The following LETMD1 variants were observed in gnomAD, a reference collection of about 807,000 sequenced individuals.
The protein encoded by LETMD1 is LETM1 domain-containing protein 1.
In LETMD1, 30 loss-of-function variants were observed where a neutral mutation model predicts 43.9. The ratio of observed to expected loss-of-function variants is 0.68; its 90% confidence interval spans 0.51 to 0.93. LETMD1 has a LOEUF of 0.93. Among genes scored for constraint, LETMD1 ranks in the 40% least tolerant of loss-of-function variants. LETMD1 has a pLI of 0.00. For missense variants in LETMD1, 413 were observed against 447.7 expected (o/e 0.92, Z 0.70); for synonymous variants, 176 against 163.1 (o/e 1.08, Z -0.60).
In LETMD1 at chr12:51,056,237, T is replaced by C. The variant is rs750240401; in HGVS notation, c.754T>C (p.Leu252=). Residue 252 remains leucine (L), a synonymous_variant, in exon 6 of 9, where the codon TTG becomes CTG. Coordinates refer to ENST00000262055, the MANE Select transcript of LETMD1 (RefSeq NM_015416.5). ...HPLGMNQLQA[L]HVKALSRAML... ...TCTGGGCATGAACCAACTCCAGGCT[T>C]TGCACGTGGTGAGCACTTTGAGGGC... 4 of 1,614,118 alleles carry C rather than the reference T, an allele frequency of 2.5e-6. No individual in the cohort carries two copies. Among genetic ancestry groups the C allele is most frequent in the Non-Finnish European group, 3.4e-6 (4 of 1,180,024 alleles).
chr12:51,056,499 A>G lies in LETMD1; in HGVS notation c.912A>G (p.Lys304=). The G allele has an allele frequency of 6.2e-7, 1 of 1,614,144 alleles. No individual in the cohort carries two copies. Among genetic ancestry groups the G allele is most frequent in the South Asian group, 1.1e-5 (1 of 91,090 alleles). Residue 304 remains lysine (K), a synonymous_variant, in exon 7 of 9, where the codon AAA becomes AAG. Transcript: ENST00000262055. ...GIGQLTAQEV[K]SACYLRGLNS... ...GCCAGCTGACTGCTCAGGAAGTAAA[A>G]TCGGTAAGAGCTTGATTGCAACATC...
rs35466308 is a variant in LETMD1 at position 51,050,232 on chromosome 12, A to ATT, written c.274+1060_274+1061dup. ...TTTGTTTTTAAACTTTTTATTATGAATTTTTTTTTTTTTTGAGTCTCACCG... is the reference window on the plus strand; with the variant it reads ...TTTGTTTTTAAACTTTTTATTATGAATTTTTTTTTTTTTTTTGAGTCTCACCG... On this transcript the variant is annotated intron_variant, in intron 2 of 8. Transcript: ENST00000262055. Among the ~76,000 whole-genome samples, 677 of 145,156 alleles carry ATT rather than the reference A, an allele frequency of 4.7e-3. 5 individuals carry two copies. The highest frequency in any genetic ancestry group is 0.015 in the African/African-American group (574 of 39,536).
downstream of LETMD1, chr12:51,061,748 C>T (rs1290082535): frequency 6.6e-6 from 1 of 152,148 alleles, no homozygotes; most frequent in Non-Finnish European, 1.5e-5. Flanking sequence ...TAATGTGTTC[C>T]TCATCGTGCA....
At chr12:51,057,642 TTG>T in intron 7 of LETMD1, 2 of 186,978 alleles carry the variant, frequency 1.1e-5, no homozygotes, top group East Asian at 1.3e-4. Context: ...TTTTTTTTTT[TTG>T]AGACAGAGTC....
At position 51,052,180 on chromosome 12, in the gene LETMD1, A is replaced by G. The variant is rs1272953224; in HGVS notation, c.363A>G (p.Pro121=). 1 of 1,614,060 alleles carries G rather than the reference A, an allele frequency of 6.2e-7. No individual in the cohort carries two copies. Among genetic ancestry groups the G allele is most frequent in the Non-Finnish European group, 8.5e-7 (1 of 1,179,868 alleles). Residue 121 remains proline, a synonymous_variant, in exon 3 of 9, where the codon CCA becomes CCG. Coordinates refer to ENST00000262055, the MANE Select transcript of LETMD1 (RefSeq NM_015416.5). ...WKHNIKFHQL[P]YREMEHLRQF... The stretch of plus-strand genomic sequence containing the variant: ...ACAATATAAAGTTTCATCAACTTCC[A>G]TACCGGGAGATGGAGCATTTGAGAC...
downstream of LETMD1, chr12:51,061,377 A>G (rs998267271): frequency 2.0e-4 from 30 of 152,662 alleles, no homozygotes; most frequent in African/African-American, 7.2e-4. Flanking sequence ...ATTGGAAAAT[A>G]ATAAGGGTTG....
downstream of LETMD1, among the ~76,000 whole-genome samples, chr12:51,065,300 G>C (rs1938050683): frequency 6.6e-6 from 1 of 152,088 alleles, no homozygotes; most frequent in South Asian, 2.1e-4. Context: ...CAGTTACCAA[G>C]ATAATTAACT....
chr12:51,053,891 T>C (rs960572016), intron 4 of LETMD1, 31 bp downstream of exon 4: 1 of 1,387,646 alleles, frequency 7.2e-7, no homozygotes, highest in Non-Finnish European at 1.0e-6. Flanking sequence ...CCCCAACATC[T>C]TGAAGATGTA....
intron 2 of LETMD1, among the ~76,000 whole-genome samples, chr12:51,049,860 C>T (rs181335362): frequency 6.6e-6 from 1 of 152,244 alleles, no homozygotes; most frequent in Non-Finnish European, 1.5e-5. Context: ...ATGTAAAGTA[C>T]CTAGAACAGG....
chr12:51,066,955 G>A, the LETMD1 span, among the ~76,000 whole-genome samples: 1 of 146,122 alleles, frequency 6.8e-6, no homozygotes, highest in African/African-American at 2.5e-5. Context: ...TCAGCCTCTT[G>A]AGTACCTGGG....
chr12:51,052,521 G>A (rs1170093608), intron 3 of LETMD1, among the ~76,000 whole-genome samples: 9 of 152,124 alleles, frequency 5.9e-5, no homozygotes, highest in Non-Finnish European at 7.4e-5. Context: ...GGTGGCTCAC[G>A]CCTGTAATCC....
In LETMD1 at chr12:51,056,464, C is replaced by G. The variant is rs757325723; in HGVS notation, c.877C>G (p.Leu293Val). 13 of 1,614,030 alleles carry G rather than the reference C, an allele frequency of 8.1e-6. No homozygotes were observed. Among genetic ancestry groups the G allele is most frequent in the Non-Finnish European group, 1.1e-5 (13 of 1,180,040 alleles). Residue 293 changes from leucine (L) to valine (V), a missense_variant, in exon 7 of 9, where the codon CTG (leucine) becomes GTG (valine). By Grantham distance (32) the Leu-to-Val change is conservative. Transcript: ENST00000262055. ...CCAACTGGACAAGGCTTTGGCAAAGCTGGGGATTGGCCAGCTGACTGCTCA... is the reference window on the plus strand; with the variant it reads ...CCAACTGGACAAGGCTTTGGCAAAGGTGGGGATTGGCCAGCTGACTGCTCA... ...IHQLDKALAK[L>V]GIGQLTAQEV... is the part of the protein sequence containing the mutation.
At chr12:51,063,726 G>A (rs755010963), downstream of LETMD1, 2 of 1,506,436 alleles carry the variant, frequency 1.3e-6, no homozygotes, top group Non-Finnish European at 1.8e-6. Flanking sequence ...ATGGGTAAGA[G>A]GCAGGACCTC....
At chr12:51,067,670 G>A in the LETMD1 span, 3 of 1,612,354 alleles carry the variant, frequency 1.9e-6, no homozygotes, top group Non-Finnish European at 1.7e-6. This position sits in a 1 kb window ranked among gnomAD's most constrained non-coding sequence, Gnocchi z 4.1. Context: ...AACTTGGACT[G>A]ACCTGGCATT....
intron 2 of LETMD1, among the ~76,000 whole-genome samples, chr12:51,050,498 G>T (rs1398314031): frequency 2.0e-5 from 3 of 151,680 alleles, no homozygotes; most frequent in African/African-American, 7.3e-5. Context: ...TGGGATTACA[G>T]GCTTGAGCCA....
At chr12:51,054,599 A>G (rs1947100002) in intron 4 of LETMD1, among the ~76,000 whole-genome samples, 1 of 152,192 alleles carries the variant, frequency 6.6e-6, no homozygotes. Flanking sequence ...CAGGGCTCCA[A>G]GAGTGAGGGG....
At chr12:51,053,888 A>G (rs771238087) in intron 4 of LETMD1, 28 bp downstream of exon 4, 25 of 1,403,916 alleles carry the variant, frequency 1.8e-5, no homozygotes, top group Admixed American at 8.0e-5. Context: ...TCTCCCCAAC[A>G]TCTTGAAGAT....
In LETMD1 at chr12:51,056,442, A is replaced by G. The variant is rs554956732; in HGVS notation, c.855A>G (p.Gln285=). ...RLKTHTTVIH[Q]LDKALAKLGI... Reference sequence around the variant, plus strand: ...AGACTCATACAACTGTGATTCACCAACTGGACAAGGCTTTGGCAAAGCTGG... The same window carrying G: ...AGACTCATACAACTGTGATTCACCAGCTGGACAAGGCTTTGGCAAAGCTGG... Residue 285 remains glutamine, a synonymous_variant, in exon 7 of 9, where the codon CAA becomes CAG. Coordinates refer to ENST00000262055, the MANE Select transcript of LETMD1 (RefSeq NM_015416.5). The G allele has an allele frequency of 6.8e-6, 11 of 1,614,166 alleles. No individual in the cohort carries two copies. Among genetic ancestry groups the G allele is most frequent in the South Asian group, 6.6e-5 (6 of 91,084 alleles).
chr12:51,056,645 G>T (rs1212563590), intron 7 of LETMD1, 143 bp downstream of exon 7: 1 of 650,258 alleles, frequency 1.5e-6, no homozygotes, highest in Non-Finnish European at 2.6e-6. Flanking sequence ...ATTTATTTAT[G>T]ATTTATTTTT....
Sources: allele counts gnomAD v4.1 joint callset (sites outside exome capture counted in the v4.1 genomes callset), GRCh38; gene constraint gnomAD v4.1.1; non-coding constraint Gnocchi (gnomAD v3.1); transcripts MANE v1.5; gene names NCBI Gene and HGNC (gene_info 2026-07-23, HGNC 2026-07-21).